Variants in IGFBP7 observed in about 807,000 individuals in gnomAD.
The protein encoded by IGFBP7 is insulin like growth factor binding protein 7.
Under a neutral mutation model 29.4 loss-of-function variants are expected in IGFBP7, and 31 were observed. The observed-to-expected ratio is 1.05, with a 90% confidence interval of 0.79 to 1.42. IGFBP7 has a LOEUF of 1.42. Ranked by LOEUF, IGFBP7 falls within the 40% of genes most tolerant of loss-of-function variation. The pLI is 0.00. For synonymous variants in IGFBP7, 172 were observed against 174.9 expected (o/e 0.98, Z 0.13); for missense variants, 393 against 395.5 (o/e 0.99, Z 0.05).
At chr4:57,037,831 G>C (rs1724120255) in intron 2 of IGFBP7, among the ~76,000 whole-genome samples, 2 of 152,012 alleles carry the variant, frequency 1.3e-5, no homozygotes, top group Non-Finnish European at 2.9e-5. Flanking sequence ...GCTTTTCATG[G>C]GTATTCCTCG....
chr4:57,102,173 A>G (rs1435480873), intron 1 of IGFBP7, among the ~76,000 whole-genome samples: 1 of 152,256 alleles, frequency 6.6e-6, no homozygotes, highest in South Asian at 2.1e-4. Context: ...GAATCAGTGA[A>G]GGCTAGCTGG....
intron 1 of IGFBP7, among the ~76,000 whole-genome samples, chr4:57,100,381 G>A (rs1431024209): frequency 6.6e-6 from 1 of 152,140 alleles, no homozygotes; most frequent in Non-Finnish European, 1.5e-5. Flanking sequence ...TGCCTGACCA[G>A]GCTCTAAGAT....
chr4:57,103,426 G>A (rs1361779546), intron 1 of IGFBP7, among the ~76,000 whole-genome samples: 1 of 152,094 alleles, frequency 6.6e-6, no homozygotes, highest in Non-Finnish European at 1.5e-5. Flanking sequence ...CCTCATGCGA[G>A]TCCTTCTGCT....
chr4:57,067,787 C>T (rs930833179), intron 1 of IGFBP7, among the ~76,000 whole-genome samples: 2 of 151,748 alleles, frequency 1.3e-5, no homozygotes, highest in African/African-American at 4.8e-5. Flanking sequence ...CAGGACTTCT[C>T]CAATAGACCA....
At chr4:57,063,455 T>C (rs1724845673) in intron 1 of IGFBP7, among the ~76,000 whole-genome samples, 1 of 152,246 alleles carries the variant, frequency 6.6e-6, no homozygotes, top group South Asian at 2.1e-4. Context: ...TGCTGAGTAG[T>C]TGAGTGAACC....
intron 1 of IGFBP7, among the ~76,000 whole-genome samples, chr4:57,074,478 C>T (rs1211525749): frequency 1.3e-5 from 2 of 152,184 alleles, no homozygotes; most frequent in Non-Finnish European, 2.9e-5. Context: ...CTCTACTTCC[C>T]ATTCAGGGGA....
chr4:57,088,137 C>T lies in IGFBP7; in HGVS notation c.475+21740G>A, dbSNP rs5858412. Among the ~76,000 whole-genome samples, 45 of 4,190 alleles carry T rather than the reference C, an allele frequency of 0.011. No homozygotes were observed. In the South Asian group the frequency reaches 0.15, roughly 14 times the overall value. 2.7% of individuals were successfully genotyped at this position (4,190 alleles called of 152,430 possible). A position where few individuals can be genotyped will look rare whatever the true frequency, so the allele number is the denominator to read the frequency against. Reference sequence around the variant, plus strand: ...ATATGCACTACCACACCTGGCTAATCTTTTGTTTTGTTTTGTTTTGTGGAG... The same window carrying T: ...ATATGCACTACCACACCTGGCTAATTTTTTGTTTTGTTTTGTTTTGTGGAG... On this transcript the variant is annotated intron_variant, in intron 1 of 4. Transcript: ENST00000295666.
intron 1 of IGFBP7, among the ~76,000 whole-genome samples, chr4:57,073,793 C>T (rs1718852): frequency 0.4 from 60,088 of 151,782 alleles, 13,340 homozygotes; most frequent in East Asian, 0.56. Flanking sequence ...ACCACATCCA[C>T]GGCCACAGCC....
Position 57,085,086 on chromosome 4 carries a change from G to A in IGFBP7, c.475+24791C>T, listed in dbSNP as rs951223472. Reference sequence around the variant, plus strand: ...TTACAGATGTGAGCCACTGCACCTGGCCTAGATCCTTTTTTCTTTTTCTTT... The same window carrying A: ...TTACAGATGTGAGCCACTGCACCTGACCTAGATCCTTTTTTCTTTTTCTTT... On this transcript the variant is annotated intron_variant, in intron 1 of 4. Transcript: ENST00000295666. Among the ~76,000 whole-genome samples the A allele has an allele frequency of 1.3e-5, 2 of 151,906 alleles. 1 individual carries two copies. Among genetic ancestry groups the A allele is most frequent in the African/African-American group, 4.8e-5 (2 of 41,352 alleles).
At chr4:57,048,304 C>T (rs1724416247) in intron 1 of IGFBP7, among the ~76,000 whole-genome samples, 1 of 152,182 alleles carries the variant, frequency 6.6e-6, no homozygotes, top group Non-Finnish European at 1.5e-5. Context: ...CTGCCTCGGC[C>T]TCCCAAAGTA....
chr4:57,037,524 G>A (rs978890754), intron 2 of IGFBP7, among the ~76,000 whole-genome samples: 5 of 151,650 alleles, frequency 3.3e-5, no homozygotes, highest in Admixed American at 6.6e-5. Context: ...CTACAGGTGC[G>A]AGCCACCACA....
Position 57,032,427 on chromosome 4 carries a change from T to G in IGFBP7, c.828A>C (p.Lys276Asn). 1 of 1,612,422 alleles carries G rather than the reference T, an allele frequency of 6.2e-7. No homozygotes were observed. The highest frequency in any genetic ancestry group is 1.1e-5 in the South Asian group (1 of 90,996). ...VDALHEIPVKKGEGAEL is the reference protein window; with the variant it reads ...VDALHEIPVKNGEGAEL ...ATGGCTGTGAGATTTATTGTGTACC[T>G]TTTTTCACTGGTATTTCATGTAAGG... is the stretch of plus-strand genomic sequence containing the variant. Residue 276 changes from lysine to asparagine, a missense_variant and splice_region_variant, in exon 4 of 5, where the codon AAA (lysine) becomes AAC (asparagine). Physicochemically the swap from Lys to Asn is moderately conservative, Grantham distance 94. Transcript: ENST00000295666.
intron 2 of IGFBP7, among the ~76,000 whole-genome samples, chr4:57,034,284 C>T (rs17181222): frequency 0.079 from 12,060 of 151,736 alleles, 522 homozygotes; most frequent in Middle Eastern, 0.097. Context: ...TGTAGCTCCT[C>T]GATACATATA....
intron 1 of IGFBP7, among the ~76,000 whole-genome samples, chr4:57,086,495 A>G (rs1188246777): frequency 2.0e-5 from 3 of 152,180 alleles, no homozygotes; most frequent in Non-Finnish European, 2.9e-5. Flanking sequence ...TGGATCTGTC[A>G]TCACCTCATT....
rs185244544 is a variant in IGFBP7 at position 57,048,284 on chromosome 4, C to T, written c.476-7351G>A. Reference sequence around the variant, plus strand: ...CAGGATGGTCTCGATCTCCTGACCTCGTGATCCACCTGCCTCGGCCTCCCA... The same window carrying T: ...CAGGATGGTCTCGATCTCCTGACCTTGTGATCCACCTGCCTCGGCCTCCCA... On this transcript the variant is annotated intron_variant, in intron 1 of 4. Transcript: ENST00000295666. Among the ~76,000 whole-genome samples, 204 of 151,652 alleles carry T rather than the reference C, an allele frequency of 1.3e-3. 1 individual carries two copies. Among genetic ancestry groups the T allele is most frequent in the African/African-American group, 4.8e-3 (197 of 41,316 alleles).
chr4:57,050,187 C>T (rs1724467775), intron 1 of IGFBP7, among the ~76,000 whole-genome samples: 1 of 151,184 alleles, frequency 6.6e-6, no homozygotes, highest in South Asian at 2.1e-4. Flanking sequence ...CAAAATCATG[C>T]TGGGTTATAC....
At position 57,030,880 on chromosome 4, in the gene IGFBP7, A is replaced by G. The variant is rs1288646236; in HGVS notation, c.*437T>C. 2.0e-6 allele frequency: 3 copies of G among 1,494,850 alleles called. No homozygotes were observed. The highest frequency in any genetic ancestry group is 2.3e-5 in the East Asian group (1 of 44,290). The allele number at this position is 1,494,850 out of a possible 1,614,324, so 92.6% of individuals were successfully genotyped here. A position where few individuals can be genotyped will look rare whatever the true frequency, so the allele number is the denominator to read the frequency against. On this transcript the variant is annotated 3_prime_UTR_variant, in exon 5 of 5. Coordinates refer to ENST00000295666, the MANE Select transcript of IGFBP7 (RefSeq NM_001553.3). Reference sequence around the variant, plus strand: ...CTTCAATACAATTCTGCTAATTACCATTTGTTTTTTCTTTTCAGATTTCTT... The same window carrying G: ...CTTCAATACAATTCTGCTAATTACCGTTTGTTTTTTCTTTTCAGATTTCTT...
At position 57,110,354 on chromosome 4, in the gene IGFBP7, C is replaced by G. The variant is rs11573020; in HGVS notation, c.-3G>C. ...GCGCGCAGCGACGGCCGCTCCATGG[C>G]GGGGTGCGGTGGCAGCGGCAAGGGC... On this transcript the variant is annotated 5_prime_UTR_variant, in exon 1 of 5. Coordinates refer to ENST00000295666, the MANE Select transcript of IGFBP7 (RefSeq NM_001553.3). The G allele has an allele frequency of 5.3e-4, 717 of 1,350,520 alleles. 5 individuals carry two copies. The East Asian group carries it at 0.011, about 20-fold the overall frequency. The allele number at this position is 1,350,520 out of a possible 1,614,324, so 83.7% of individuals were successfully genotyped here.
intron 1 of IGFBP7, among the ~76,000 whole-genome samples, chr4:57,096,055 A>C (rs138753871): frequency 1.3e-5 from 2 of 152,046 alleles, no homozygotes; most frequent in Non-Finnish European, 2.9e-5. Context: ...CGTATGTTCT[A>C]GTGAAATAAT....
Sources: allele counts gnomAD v4.1 joint callset (sites outside exome capture counted in the v4.1 genomes callset), GRCh38; gene constraint gnomAD v4.1.1; transcripts MANE v1.5; gene names NCBI Gene and HGNC (gene_info 2026-07-23, HGNC 2026-07-21).